Variants in MSH4 observed in about 807,000 individuals in gnomAD.
The protein encoded by MSH4 is mutS protein homolog 4.
A neutral mutation model predicts 113.7 loss-of-function variants in MSH4; 106 were observed. The observed-to-expected ratio is 0.93, with a 90% CI of 0.80 to 1.10. The LOEUF (loss-of-function observed/expected upper bound fraction) is 1.10, where lower values mean the gene tolerates loss of function less well. MSH4 is among the 50% of genes least tolerant of loss of function. The probability of loss-of-function intolerance (pLI) is 0.00; values close to 1 mark genes in which losing one functional copy is unlikely to be tolerated. For missense variants in MSH4, 1,061 were observed against 1,093.7 expected (o/e 0.97, Z 0.42); for synonymous variants, 368 against 380.2 (o/e 0.97, Z 0.37).
chr1:75,890,574 G>A (rs1652229736), intron 16 of MSH4, 122 bp from the exon 17 acceptor site: 3 of 511,124 alleles, frequency 5.9e-6, no homozygotes, highest in Non-Finnish European at 6.8e-6. Flanking sequence ...CTGCTCAGCA[G>A]GATGTCTCTA....
Position 75,840,996 on chromosome 1 carries a change from G to A in MSH4, c.1163-7213G>A, listed in dbSNP as rs1190767402. On this transcript the variant is annotated intron_variant, in intron 7 of 19. Transcript: ENST00000263187. ...TCTTAAAAGAAGGAGTAGGATTTTA[G>A]CAACAGGAGAATCCTAGCAGTGATA... Among the ~76,000 whole-genome samples the A allele has an allele frequency of 9.9e-5, 15 of 152,254 alleles. No homozygotes were observed. The East Asian group carries it at 2.7e-3, about 27-fold the overall frequency.
chr1:75,803,860 G>T lies in MSH4; in HGVS notation c.374G>T (p.Gly125Val). Reference sequence around the variant, plus strand: ...ACACTTAAAACTCCATTGTCTACTGGAAATCCTCAGAGATCAGGTTATAAG... The same window carrying T: ...ACACTTAAAACTCCATTGTCTACTGTAAATCCTCAGAGATCAGGTTATAAG... ...PQTLKTPLST[G>V]NPQRSGYKSW... is the part of the protein sequence containing the mutation. Residue 125 changes from glycine to valine, a missense_variant, in exon 2 of 20, where the codon GGA (glycine) becomes GTA (valine). Gly to Val is a moderately radical substitution (Grantham distance 109). Coordinates refer to ENST00000263187, the MANE Select transcript of MSH4 (RefSeq NM_002440.4). 6.3e-7 allele frequency: 1 copy of T among 1,596,488 alleles called. No homozygotes were observed. Among genetic ancestry groups the T allele is most frequent in the Non-Finnish European group, 8.5e-7 (1 of 1,172,416 alleles).
intron 19 of MSH4, among the ~76,000 whole-genome samples, chr1:75,907,226 A>G (rs1652678546): frequency 6.6e-6 from 1 of 152,074 alleles, no homozygotes; most frequent in African/African-American, 2.4e-5. Context: ...TTGTTTGTCT[A>G]GAAAAGACTT....
chr1:75,895,528 G>A (rs1652360567), intron 17 of MSH4, among the ~76,000 whole-genome samples: 1 of 152,146 alleles, frequency 6.6e-6, no homozygotes, highest in Admixed American at 6.6e-5. Flanking sequence ...ACCAGTTACA[G>A]AAATAAGGAC....
At chr1:75,828,405 C>G (rs1650603863) in intron 7 of MSH4, among the ~76,000 whole-genome samples, 1 of 152,148 alleles carries the variant, frequency 6.6e-6, no homozygotes, top group Non-Finnish European at 1.5e-5. Context: ...ATGGAATGAA[C>G]CCAGGTGCCC....
At chr1:75,834,519 T>G (rs954552249) in intron 7 of MSH4, among the ~76,000 whole-genome samples, 2 of 152,204 alleles carry the variant, frequency 1.3e-5, no homozygotes, top group Non-Finnish European at 2.9e-5. Flanking sequence ...AGCAAAGACT[T>G]GGAACTAACC....
At chr1:75,838,334 C>A (rs1281758192) in intron 7 of MSH4, among the ~76,000 whole-genome samples, 1 of 152,196 alleles carries the variant, frequency 6.6e-6, no homozygotes, top group Non-Finnish European at 1.5e-5. Flanking sequence ...CTCTCTGACA[C>A]TGATCCTCCT....
At chr1:75,833,859 A>T (rs1372985319) in intron 7 of MSH4, among the ~76,000 whole-genome samples, 1 of 152,252 alleles carries the variant, frequency 6.6e-6, no homozygotes. Context: ...AATACCATTC[A>T]GGTCATAGGC....
rs542713299 is a variant in MSH4, at chr1:75,856,469, G to T, written c.1230+8193G>T. 3.7e-4 allele frequency among the ~76,000 whole-genome samples: 57 copies of T among 152,176 alleles called. No homozygotes were observed. In the South Asian group the frequency reaches 6.9e-3, roughly 18 times the overall value. Reference sequence around the variant, plus strand: ...CCACCCCCGACAGGCCCCGGTGTGTGGTGTTCCCCTCCCTGTGTCCGTGTG... The same window carrying T: ...CCACCCCCGACAGGCCCCGGTGTGTTGTGTTCCCCTCCCTGTGTCCGTGTG... On this transcript the variant is annotated intron_variant, in intron 8 of 19. Transcript: ENST00000263187.
chr1:75,849,673 G>A (rs573040171), intron 8 of MSH4, among the ~76,000 whole-genome samples: 3 of 152,276 alleles, frequency 2.0e-5, no homozygotes, highest in Non-Finnish European at 4.4e-5. Context: ...AACAACTGAT[G>A]TTTGGAATTA....
rs1403989524 is a variant in MSH4 at position 75,888,094 on chromosome 1, A to T, written c.2108-1157A>T. Among the ~76,000 whole-genome samples the T allele has an allele frequency of 3.3e-5, 5 of 150,646 alleles. No homozygotes were observed. The Admixed American group carries it at 3.3e-4, about 10-fold the overall frequency. On this transcript the variant is annotated intron_variant, in intron 15 of 19. Coordinates refer to ENST00000263187, the MANE Select transcript of MSH4 (RefSeq NM_002440.4). ...CGTTATTATAATTACTACTGTTATG[A>T]TTATTACTTTTATTTTCATTAATAT... is the stretch of plus-strand genomic sequence containing the variant.
At position 75,822,544 on chromosome 1, in the gene MSH4, A is replaced by G. The variant is rs72688139; in HGVS notation, c.1125A>G (p.Leu375=). The change falls in exon 7 of 20, where the codon CTA becomes CTG. Residue 375 remains leucine (L), a synonymous_variant. Coordinates refer to ENST00000263187, the MANE Select transcript of MSH4 (RefSeq NM_002440.4). ...TGAGATTAGATTGTGTTCAAGAACT[A>G]CTTCAAGATGAGGAACTATTTTTTG... is the stretch of plus-strand genomic sequence containing the variant. ...INMRLDCVQE[L]LQDEELFFGL... is the part of the protein sequence containing the mutation. The G allele has an allele frequency of 6.4e-7, 1 of 1,551,410 alleles. No homozygotes were observed.
intron 17 of MSH4, among the ~76,000 whole-genome samples, chr1:75,896,392 C>T (rs1003847936): frequency 1.5e-5 from 2 of 133,962 alleles, no homozygotes; most frequent in Non-Finnish European, 3.2e-5. Context: ...CACACACACA[C>T]ACCCTATTGG....
chr1:75,847,836 C>T (rs553727593), intron 7 of MSH4, among the ~76,000 whole-genome samples: 1 of 152,160 alleles, frequency 6.6e-6, no homozygotes, highest in African/African-American at 2.4e-5. Flanking sequence ...TGGCACTAAG[C>T]TGCCCATGAG....
rs771718368 is a variant in MSH4, at chr1:75,912,693, C to G, written c.2620-3C>G. Reference sequence around the variant, plus strand: ...ATATATATTTTTTTTTTTTCAATGACAGCAAAACCAAAGGAGTACCCCTGA... The same window carrying G: ...ATATATATTTTTTTTTTTTCAATGAGAGCAAAACCAAAGGAGTACCCCTGA... On this transcript the variant is annotated splice_polypyrimidine_tract_variant and splice_region_variant and intron_variant, in intron 19 of 19. Transcript: ENST00000263187. The G allele has an allele frequency of 4.1e-6, 6 of 1,474,238 alleles. No homozygotes were observed. Among genetic ancestry groups the G allele is most frequent in the Non-Finnish European group, 5.4e-6 (6 of 1,119,650 alleles). 91.3% of individuals were successfully genotyped at this position (1,474,238 alleles called of 1,614,324 possible).
intron 19 of MSH4, among the ~76,000 whole-genome samples, chr1:75,907,155 T>C (rs2100596938): frequency 6.6e-6 from 1 of 152,300 alleles, no homozygotes; most frequent in Non-Finnish European, 1.5e-5. Context: ...CTTTCAGATT[T>C]AAGAGCTCCC....
intron 1 of MSH4, among the ~76,000 whole-genome samples, chr1:75,801,710 T>TA (rs149081898): frequency 1.2e-4 from 17 of 144,902 alleles, no homozygotes; most frequent in South Asian, 4.4e-4. Context: ...CCTGTCTCTA[T>TA]AAAAAAAAAA....
chr1:75,848,345 G>A, intron 8 of MSH4, 69 bp downstream of exon 8: 3 of 1,090,108 alleles, frequency 2.8e-6, no homozygotes, highest in South Asian at 1.4e-5. Flanking sequence ...TTAATGTAAT[G>A]TAACAATTGG....
intron 8 of MSH4, among the ~76,000 whole-genome samples, chr1:75,861,191 T>G (rs548410242): frequency 1.3e-5 from 2 of 152,338 alleles, no homozygotes; most frequent in Non-Finnish European, 2.9e-5. Flanking sequence ...TTTAGCTTCC[T>G]TTTGATGGGT....
Sources: gnomAD v4.1 joint callset for allele counts (sites outside exome capture counted in the v4.1 genomes callset) on GRCh38, gnomAD v4.1.1 for gene constraint, MANE v1.5 for transcripts, NCBI Gene and HGNC (gene_info 2026-07-23, HGNC 2026-07-21) for gene names.